The following CDH13 variants were observed in gnomAD, a reference collection of about 807,000 sequenced individuals.
CDH13 encodes the protein cadherin 13.
Under a neutral mutation model 63.8 loss-of-function variants are expected in CDH13, and 24 were observed. The observed-to-expected ratio is 0.38, with a 90% CI of 0.27 to 0.53. The LOEUF (loss-of-function observed/expected upper bound fraction) is 0.53. Ranked by LOEUF, CDH13 falls within the 20% of genes least tolerant of loss-of-function variation. The pLI is 0.85. For synonymous variants in CDH13, 503 were observed against 355.3 expected (o/e 1.42, Z -4.67); for missense variants, 1,049 against 903.1 (o/e 1.16, Z -2.07).
chr16:83,209,738 T>C (rs1452478097), intron 4 of CDH13, among the ~76,000 whole-genome samples: 2 of 149,224 alleles, frequency 1.3e-5, no homozygotes, highest in African/African-American at 2.5e-5. Flanking sequence ...AGAGGCAAGG[T>C]GCTCCCCTAG....
chr16:82,870,352 C>G (rs2040300413), intron 2 of CDH13, among the ~76,000 whole-genome samples: 1 of 152,096 alleles, frequency 6.6e-6, no homozygotes, highest in South Asian at 2.1e-4. Context: ...AGGAAACCCT[C>G]ATACACTGTT....
chr16:83,505,541 T>G (rs5008692), intron 7 of CDH13, among the ~76,000 whole-genome samples: 67,524 of 124,144 alleles, frequency 0.54, 19,450 homozygotes, highest in East Asian at 0.84. Flanking sequence ...CTTTTTTTTT[T>G]TTTTTTTTTT....
At chr16:83,652,026 A>G (rs1238348352) in intron 8 of CDH13, among the ~76,000 whole-genome samples, 3 of 152,158 alleles carry the variant, frequency 2.0e-5, no homozygotes, top group Non-Finnish European at 4.4e-5. Context: ...TCCTTATCTC[A>G]TTGAGCCTGA....
At chr16:82,659,304 A>G (rs1454765784) in intron 1 of CDH13, among the ~76,000 whole-genome samples, 2 of 151,490 alleles carry the variant, frequency 1.3e-5, no homozygotes, top group Non-Finnish European at 3.0e-5. Context: ...AGGTAGAAAC[A>G]CGTAACTCAT....
At chr16:83,481,433 C>T (rs752116234) in intron 6 of CDH13, among the ~76,000 whole-genome samples, 1 of 152,170 alleles carries the variant, frequency 6.6e-6, no homozygotes, top group African/African-American at 2.4e-5. Flanking sequence ...CTCAGATCTG[C>T]GCTCTCCTTT....
intron 6 of CDH13, among the ~76,000 whole-genome samples, chr16:83,368,935 T>TATATATATATATAC (rs2091309584): frequency 9.0e-6 from 1 of 110,690 alleles, no homozygotes; most frequent in Non-Finnish European, 1.9e-5. Context: ...TATATATATA[T>TATATATATATATAC]ATACTAGGTT....
At chr16:82,892,080 C>G (rs1216873311) in intron 2 of CDH13, among the ~76,000 whole-genome samples, 1 of 152,134 alleles carries the variant, frequency 6.6e-6, no homozygotes, top group Non-Finnish European at 1.5e-5. Context: ...AACTGCCTCC[C>G]TTCCAACCTC....
At chr16:83,182,503 G>A (rs902853234) in intron 4 of CDH13, among the ~76,000 whole-genome samples, 5 of 152,212 alleles carry the variant, frequency 3.3e-5, no homozygotes, top group Admixed American at 6.5e-5. Flanking sequence ...TGATCTCCAC[G>A]TGAAAGGTGA....
chr16:83,065,641 G>T (rs73596289), intron 3 of CDH13, among the ~76,000 whole-genome samples: 4,037 of 150,878 alleles, frequency 0.027, 161 homozygotes, highest in African/African-American at 0.093. Context: ...GGGGGCAGAG[G>T]TTGCAGTGAG....
chr16:82,858,716 C>T, intron 2 of CDH13: 4 of 592,358 alleles, frequency 6.8e-6, no homozygotes, highest in South Asian at 2.1e-5. Flanking sequence ...ATACTGCTGT[C>T]AGAAAAGGGG....
At chr16:82,733,381 A>T (rs1398459710) in intron 1 of CDH13, among the ~76,000 whole-genome samples, 2 of 152,052 alleles carry the variant, frequency 1.3e-5, no homozygotes, top group Non-Finnish European at 2.9e-5. Context: ...GTAAAAAAAA[A>T]TCAAATGATC....
intron 7 of CDH13, among the ~76,000 whole-genome samples, chr16:83,512,817 C>T (rs1372061999): frequency 1.3e-5 from 2 of 152,058 alleles, no homozygotes; most frequent in African/African-American, 2.4e-5. Flanking sequence ...GTCGGTAAAA[C>T]ACATTCTCGG....
chr16:82,840,933 A>G (rs1338012588), intron 1 of CDH13, among the ~76,000 whole-genome samples: 2 of 152,202 alleles, frequency 1.3e-5, no homozygotes, highest in Admixed American at 6.5e-5. Flanking sequence ...GTTAGTGTCA[A>G]TGAGTGAGGA....
chr16:82,913,244 G>A (rs2041888241), intron 2 of CDH13, among the ~76,000 whole-genome samples: 1 of 152,170 alleles, frequency 6.6e-6, no homozygotes. Context: ...CAAAGGGCAG[G>A]TAGCAGGTCT....
chr16:83,768,038 G>C (rs879345138), intron 11 of CDH13, among the ~76,000 whole-genome samples: 14 of 152,110 alleles, frequency 9.2e-5, no homozygotes, highest in Admixed American at 1.3e-4. Flanking sequence ...ATAATTCTGA[G>C]TTTAACATGT....
chr16:82,930,272 C>A (rs927422072), intron 2 of CDH13, among the ~76,000 whole-genome samples: 1 of 152,022 alleles, frequency 6.6e-6, no homozygotes, highest in Non-Finnish European at 1.5e-5. Context: ...CCGCTACGTC[C>A]GGCCTGTTCT....
At chr16:83,174,532 T>C (rs1207326408) in intron 4 of CDH13, among the ~76,000 whole-genome samples, 1 of 152,082 alleles carries the variant, frequency 6.6e-6, no homozygotes, top group Non-Finnish European at 1.5e-5. Flanking sequence ...GGACCCTTTA[T>C]GCTTGTATGT....
chr16:83,142,825 G>A (rs559748291), intron 4 of CDH13, among the ~76,000 whole-genome samples: 3 of 152,132 alleles, frequency 2.0e-5, no homozygotes, highest in African/African-American at 7.2e-5. Flanking sequence ...TAAAGGGGCC[G>A]GGCGCAGTGG....
At chr16:83,316,039 T>A (rs1226565440) in intron 5 of CDH13, among the ~76,000 whole-genome samples, 1 of 152,108 alleles carries the variant, frequency 6.6e-6, no homozygotes, top group Admixed American at 6.6e-5. Context: ...TCAGGAAGCT[T>A]ACAATCATGG....
Sources: allele counts gnomAD v4.1 joint callset (sites outside exome capture counted in the v4.1 genomes callset), GRCh38; gene constraint gnomAD v4.1.1; transcripts MANE v1.5; gene names NCBI Gene and HGNC (gene_info 2026-07-23, HGNC 2026-07-21).